OPCML: variants seen among roughly 807,000 people sequenced by gnomAD.
OPCML encodes the protein opioid binding protein/cell adhesion molecule like.
A neutral mutation model predicts 37.8 loss-of-function variants in OPCML; 13 were observed. That is an observed-to-expected ratio of 0.34 (90% CI 0.22 to 0.55). OPCML has a LOEUF of 0.55. Ranked by LOEUF, OPCML falls within the 20% of genes least tolerant of loss-of-function variation. OPCML has a pLI of 0.91. For synonymous variants in OPCML, 176 were observed against 168.8 expected (o/e 1.04, Z -0.33); for missense variants, 341 against 435.6 (o/e 0.78, Z 1.93).
At chr11:132,724,923 C>T (rs1017105310) in intron 2 of OPCML, among the ~76,000 whole-genome samples, 3 of 152,146 alleles carry the variant, frequency 2.0e-5, no homozygotes, top group Non-Finnish European at 4.4e-5. Context: ...GTTAGGTTCC[C>T]ATATCTTGGG....
At chr11:132,603,313 G>A (rs528507758) in intron 3 of OPCML, among the ~76,000 whole-genome samples, 1 of 152,218 alleles carries the variant, frequency 6.6e-6, no homozygotes, top group African/African-American at 2.4e-5. Flanking sequence ...ACCTACTCCT[G>A]TGCTTGTATC....
chr11:133,143,843 G>T (rs1949859827), intron 1 of OPCML, among the ~76,000 whole-genome samples: 1 of 152,202 alleles, frequency 6.6e-6, no homozygotes, highest in South Asian at 2.1e-4. Context: ...ACATTCAATT[G>T]CTGTGATACT....
chr11:133,532,267 G>A lies in OPCML; in HGVS notation c.58C>T (p.Pro20Ser). The change falls in exon 1 of 8, where the codon CCA (proline) becomes TCA (serine). Residue 20 changes from proline to serine, a missense_variant. Transcript: ENST00000524381. The part of the protein sequence containing the change: ...FSATTALLFI[P>S]GVPVRSGDAT... ...ACACCCTTCCCCTGTACGGTACCTG[G>A]GATGAAGAGCAGGGCAGTTGTCGCC... The A allele has an allele frequency of 6.2e-7, 1 of 1,613,882 alleles. No homozygotes were observed. The highest frequency in any genetic ancestry group is 1.1e-5 in the South Asian group (1 of 90,976).
At chr11:133,266,894 A>G (rs931443468) in intron 1 of OPCML, among the ~76,000 whole-genome samples, 1 of 152,168 alleles carries the variant, frequency 6.6e-6, no homozygotes, top group East Asian at 1.9e-4. Context: ...AATGGATGTG[A>G]TGAGATGTCC....
At chr11:133,319,742 A>G (rs1943286438) in intron 1 of OPCML, among the ~76,000 whole-genome samples, 1 of 152,224 alleles carries the variant, frequency 6.6e-6, no homozygotes, top group Non-Finnish European at 1.5e-5. Context: ...AGCAAGGCAC[A>G]CAGAGATGCC....
In OPCML at chr11:132,676,832, A is replaced by G. The variant is rs533653873; in HGVS notation, c.147-19513T>C. ...AAGAACGAGAAAAAAGAAGATAACTAGGGAGCAAGGCAAGGATGTCTCTTT... is the reference window on the plus strand; with the variant it reads ...AAGAACGAGAAAAAAGAAGATAACTGGGGAGCAAGGCAAGGATGTCTCTTT... On this transcript the variant is annotated intron_variant, in intron 2 of 7. Coordinates refer to ENST00000524381, the MANE Select transcript of OPCML (RefSeq NM_001012393.5). Among the ~76,000 whole-genome samples, 4 of 151,528 alleles carry G rather than the reference A, an allele frequency of 2.6e-5. No homozygotes were observed. In the South Asian group the frequency reaches 8.3e-4, roughly 32 times the overall value.
At chr11:132,716,807 GGGAA>G (rs1944511360) in intron 2 of OPCML, among the ~76,000 whole-genome samples, 1 of 152,086 alleles carries the variant, frequency 6.6e-6, no homozygotes, top group South Asian at 2.1e-4. Context: ...GCTTGGCATT[GGGAA>G]TATACCAGGT....
At chr11:133,142,879 G>T (rs1268229979) in intron 1 of OPCML, among the ~76,000 whole-genome samples, 1 of 151,968 alleles carries the variant, frequency 6.6e-6, no homozygotes, top group African/African-American at 2.4e-5. Flanking sequence ...AACACAGTCT[G>T]GGCAAAGAAC....
At chr11:133,524,162 G>C (rs1362727187) in intron 1 of OPCML, among the ~76,000 whole-genome samples, 2 of 152,174 alleles carry the variant, frequency 1.3e-5, no homozygotes, top group African/African-American at 2.4e-5. Flanking sequence ...AATGTGCTTG[G>C]TACTGTAGAG....
intron 1 of OPCML, among the ~76,000 whole-genome samples, chr11:133,201,215 C>T (rs766057868): frequency 8.5e-5 from 13 of 152,068 alleles, no homozygotes; most frequent in South Asian, 4.2e-4. Flanking sequence ...ATTATCTCTG[C>T]GCCAAACTCC....
At chr11:133,293,507 G>A (rs1472406352) in intron 1 of OPCML, among the ~76,000 whole-genome samples, 3 of 152,138 alleles carry the variant, frequency 2.0e-5, no homozygotes, top group Non-Finnish European at 4.4e-5. Context: ...GGCAGTAAAT[G>A]CTGGCTACTA....
intron 1 of OPCML, among the ~76,000 whole-genome samples, chr11:133,210,916 G>T (rs1256312916): frequency 6.6e-6 from 1 of 152,172 alleles, no homozygotes; most frequent in Non-Finnish European, 1.5e-5. Flanking sequence ...GACACTTATT[G>T]GTGCCCTCTA....
chr11:133,096,389 G>C (rs941561397), intron 1 of OPCML, among the ~76,000 whole-genome samples: 9 of 151,866 alleles, frequency 5.9e-5, no homozygotes, highest in Non-Finnish European at 8.8e-5. Flanking sequence ...TGCTAAGAAG[G>C]TGGTAGGAGA....
chr11:132,626,384 A>G (rs183046943), intron 3 of OPCML, among the ~76,000 whole-genome samples: 4 of 152,244 alleles, frequency 2.6e-5, no homozygotes, highest in East Asian at 3.9e-4. Context: ...AAGCTGGACA[A>G]AAAAGAAAAA....
intron 1 of OPCML, among the ~76,000 whole-genome samples, chr11:133,320,729 A>AATGGC (rs1263864108): frequency 2.0e-5 from 3 of 152,214 alleles, no homozygotes; most frequent in Non-Finnish European, 4.4e-5. Flanking sequence ...GCCAATGTAT[A>AATGGC]AATAAACAGT....
chr11:133,240,886 C>G (rs965999558), intron 1 of OPCML, among the ~76,000 whole-genome samples: 1 of 152,192 alleles, frequency 6.6e-6, no homozygotes, highest in East Asian at 1.9e-4. Context: ...AAGTCAGCAC[C>G]CGTGCATCTT....
chr11:133,000,104 T>C (rs1403955193), intron 1 of OPCML, among the ~76,000 whole-genome samples: 1 of 152,216 alleles, frequency 6.6e-6, no homozygotes, highest in Non-Finnish European at 1.5e-5. Flanking sequence ...TTGGCCAGGC[T>C]GGAGTGTGGT....
intron 1 of OPCML, among the ~76,000 whole-genome samples, chr11:132,955,212 G>A (rs1280715503): frequency 6.6e-6 from 1 of 152,164 alleles, no homozygotes; most frequent in Non-Finnish European, 1.5e-5. Context: ...CAGCATGAGA[G>A]TCCTGAATAT....
At chr11:133,513,018 C>T (rs1356893679) in intron 1 of OPCML, among the ~76,000 whole-genome samples, 1 of 152,150 alleles carries the variant, frequency 6.6e-6, no homozygotes, top group East Asian at 1.9e-4. Context: ...TAAAACAAAC[C>T]TTTCAAGGCA....
Sources: gnomAD v4.1 joint callset for allele counts (sites outside exome capture counted in the v4.1 genomes callset) on GRCh38, gnomAD v4.1.1 for gene constraint, MANE v1.5 for transcripts, NCBI Gene and HGNC (gene_info 2026-07-23, HGNC 2026-07-21) for gene names.